Variants in TBC1D17 observed in about 807,000 individuals in gnomAD.
TBC1D17 encodes the protein TBC1 domain family member 17, also known as TBC1 domain family, member 17.
Under a neutral mutation model 78.8 loss-of-function variants are expected in TBC1D17, and 69 were observed. That is an observed-to-expected ratio of 0.88 (90% CI 0.72 to 1.07). The LOEUF (loss-of-function observed/expected upper bound fraction) is 1.07, where lower values mean the gene tolerates loss of function less well. TBC1D17 is among the 50% of genes least tolerant of loss of function. TBC1D17 has a pLI of 0.00. For missense variants in TBC1D17, 957 were observed against 861.0 expected (o/e 1.11, Z -1.39); for synonymous variants, 456 against 358.3 (o/e 1.27, Z -3.08).
intron 15 of TBC1D17, 81 bp from the exon 16 acceptor site, chr19:49,888,150 T>C (rs1240288734): frequency 1.3e-6 from 2 of 1,546,300 alleles, no homozygotes; most frequent in Non-Finnish European, 1.7e-6. Flanking sequence ...TCTTCATTGT[T>C]TCCCAGCACG....
Position 49,882,793 on chromosome 19 carries a change from G to T in TBC1D17, c.828G>T (p.Glu276Asp). 9.4e-6 allele frequency: 15 copies of T among 1,600,414 alleles called. No homozygotes were observed. The highest frequency in any genetic ancestry group is 1.7e-4 in the Middle Eastern group (1 of 5,972). ...AGCTGGGGCCTCGGCCAACCGTGGA[G>T]CGGGGCCCTCCAGTTACAGAGGAGG... is the stretch of plus-strand genomic sequence containing the variant. Reference protein sequence around the residue: ...CVELGPRPTVERGPPVTEEEW... With the variant: ...CVELGPRPTVDRGPPVTEEEW... Residue 276 changes from glutamate (E) to aspartate (D), a missense_variant, in exon 8 of 17, where the codon GAG becomes GAT. Physicochemically the swap from Glu to Asp is conservative, Grantham distance 45 (BLOSUM62 2). Transcript: ENST00000221543.
At chr19:49,884,183 G>A in intron 10 of TBC1D17, 70 bp from the exon 11 acceptor site, 3 of 1,396,232 alleles carry the variant, frequency 2.1e-6, no homozygotes, top group Non-Finnish European at 3.0e-6. Flanking sequence ...GTGGGGGCTG[G>A]CACTGGTGGC....
intron 4 of TBC1D17, 24 bp from the exon 5 acceptor site, chr19:49,881,244 C>A (rs749778352): frequency 1.9e-6 from 3 of 1,605,048 alleles, no homozygotes; most frequent in Non-Finnish European, 2.6e-6. Flanking sequence ...ACGCGCTTCC[C>A]CCAACACAGT....
intron 10 of TBC1D17, 52 bp from the exon 11 acceptor site, chr19:49,884,201 G>A: frequency 1.3e-6 from 2 of 1,539,676 alleles, no homozygotes. Context: ...GGCCAGCAGG[G>A]ATGGGCCCCC....
intron 3 of TBC1D17, 22 bp downstream of exon 3, chr19:49,878,594 C>T (rs1201040835): frequency 1.2e-6 from 2 of 1,611,908 alleles, no homozygotes; most frequent in South Asian, 1.1e-5. Context: ...CCGCTTTGCC[C>T]TTCTCCACTC....
At position 49,878,255 on chromosome 19, in the gene TBC1D17, G is replaced by T. The variant is rs1401893711; in HGVS notation, c.120+14G>T. On this transcript the variant is annotated intron_variant, in intron 2 of 16. Transcript: ENST00000221543. ...GTCGTGGAAAAGGTGCGCTGGGAGG[G>T]AGCAGGGCTCGGACCCGCTCCGAGC... 1.9e-6 allele frequency: 3 copies of T among 1,554,156 alleles called. No individual in the cohort carries two copies.
chr19:49,880,665 G>T (rs113202972), intron 4 of TBC1D17, among the ~76,000 whole-genome samples: 1 of 152,258 alleles, frequency 6.6e-6, no homozygotes, highest in African/African-American at 2.4e-5. Flanking sequence ...CACCAGGCCT[G>T]CCCCTGAGGT....
intron 10 of TBC1D17, among the ~76,000 whole-genome samples, chr19:49,883,998 G>T (rs2075037730): frequency 6.6e-6 from 1 of 152,204 alleles, no homozygotes; most frequent in Non-Finnish European, 1.5e-5. Flanking sequence ...GGTGATCTTG[G>T]CAAGTGATTT....
In TBC1D17 at chr19:49,887,853, C is replaced by T. The variant is rs1052248057; in HGVS notation, c.1659+19C>T. ...CCTCAAGGTGAGGCTCCGGCCCCGCCCCCGCCCTGTCCCCCCTGAGCTGGG... is the reference window on the plus strand; with the variant it reads ...CCTCAAGGTGAGGCTCCGGCCCCGCTCCCGCCCTGTCCCCCCTGAGCTGGG... On this transcript the variant is annotated intron_variant, in intron 15 of 16. Coordinates refer to ENST00000221543, the MANE Select transcript of TBC1D17 (RefSeq NM_024682.3). 22 of 1,586,432 alleles carry T rather than the reference C, an allele frequency of 1.4e-5. No individual in the cohort carries two copies. The highest frequency in any genetic ancestry group is 1.9e-5 in the Non-Finnish European group (22 of 1,164,434).
Position 49,887,743 on chromosome 19 carries a change from C to T in TBC1D17, c.1568C>T (p.Pro523Leu). The T allele has an allele frequency of 6.2e-7, 1 of 1,613,738 alleles. No homozygotes were observed. Among genetic ancestry groups the T allele is most frequent in the Non-Finnish European group, 8.5e-7 (1 of 1,179,922 alleles). The change falls in exon 15 of 17, where the codon CCC becomes CTC. Residue 523 changes from proline to leucine, a missense_variant. By Grantham distance (98) the Pro-to-Leu change is moderately conservative (BLOSUM62 -3). Coordinates refer to ENST00000221543, the MANE Select transcript of TBC1D17 (RefSeq NM_024682.3). The stretch of plus-strand genomic sequence containing the variant: ...GTGCTGTGGACAGGGCTCCCTGGCC[C>T]CAATCTGCACCTGCTGGTGGCCTGC... ...WEVLWTGLPG[P>L]NLHLLVACAI...
In TBC1D17 at chr19:49,878,246, G is replaced by C; in HGVS notation, c.120+5G>C. Reference sequence around the variant, plus strand: ...GTCATCCGTGTCGTGGAAAAGGTGCGCTGGGAGGGAGCAGGGCTCGGACCC... The same window carrying C: ...GTCATCCGTGTCGTGGAAAAGGTGCCCTGGGAGGGAGCAGGGCTCGGACCC... On this transcript the variant is annotated splice_donor_5th_base_variant and intron_variant, in intron 2 of 16. Transcript: ENST00000221543. 1 of 1,555,954 alleles carries C rather than the reference G, an allele frequency of 6.4e-7. No homozygotes were observed. The highest frequency in any genetic ancestry group is 8.7e-7 in the Non-Finnish European group (1 of 1,149,510).
At position 49,881,485 on chromosome 19, in the gene TBC1D17, C is replaced by G. The variant is rs984970217; in HGVS notation, c.527+10C>G. On this transcript the variant is annotated intron_variant, in intron 5 of 16. Transcript: ENST00000221543. ...ACCTGCTGTTGGCCAGGTGAGCTCT[C>G]TCCCAGTGCTGGGCCTTAAACCGGG... The G allele has an allele frequency of 3.1e-6, 5 of 1,605,516 alleles. No homozygotes were observed. The highest frequency in any genetic ancestry group is 4.2e-6 in the Non-Finnish European group (5 of 1,179,116).
chr19:49,878,099 CCCCTCGCTTGGGCCCCAG>C (rs2074974579), intron 1 of TBC1D17, 26 bp from the exon 2 acceptor site: 1 of 1,490,656 alleles, frequency 6.7e-7, no homozygotes, highest in Non-Finnish European at 9.1e-7. Context: ...CCAGGCTGGT[CCCCTCGCTTGGGCCCCAG>C]CCCTCGCTGG....
At chr19:49,887,693 C>A (rs1327688618) in intron 14 of TBC1D17, 25 bp from the exon 15 acceptor site, 2 of 1,611,470 alleles carry the variant, frequency 1.2e-6, no homozygotes, top group Admixed American at 3.3e-5. Context: ...TGACCTCCCT[C>A]CCTCCCTCTG....
chr19:49,883,717 A>T lies in TBC1D17; in HGVS notation c.1098A>T (p.Ser366=), dbSNP rs746151899. 1.9e-6 allele frequency: 3 copies of T among 1,613,830 alleles called. No individual in the cohort carries two copies. ...GCCCTGAGCAGGAGCGGAGAAACTC[A>T]CTTCTGCATGGATACCGCAGCCTCA... ...SVSPEQERRN[S]LLHGYRSLIE... is the part of the protein sequence containing the mutation. The change falls in exon 10 of 17, where the codon TCA becomes TCT. Residue 366 remains serine (S), a synonymous_variant. Coordinates refer to ENST00000221543, the MANE Select transcript of TBC1D17 (RefSeq NM_024682.3).
chr19:49,881,761 C>CAAA (rs2075015726), intron 5 of TBC1D17, among the ~76,000 whole-genome samples: 1 of 152,210 alleles, frequency 6.6e-6, no homozygotes, highest in African/African-American at 2.4e-5. Flanking sequence ...CACCTCTTTC[C>CAAA]CCACGTTCCA....
Position 49,887,789 on chromosome 19 carries a change from GGACACCCTC to G in TBC1D17, c.1615_1623del (p.Asp539_Leu541del). 6.2e-7 allele frequency: 1 copy of G among 1,612,812 alleles called. No individual in the cohort carries two copies. Among genetic ancestry groups the G allele is most frequent in the Non-Finnish European group, 8.5e-7 (1 of 1,179,688 alleles). On this transcript the variant is annotated inframe_deletion, in exon 15 of 17. Coordinates refer to ENST00000221543, the MANE Select transcript of TBC1D17 (RefSeq NM_024682.3). ...CCTGCGCCATCCTGGACATGGAGAG[GGACACCCTC>G]ATGCTGTCCGGCTTCGGCTCCAATG...
At chr19:49,878,614 C>G (rs761006033) in intron 3 of TBC1D17, 42 bp downstream of exon 3, 2 of 1,587,954 alleles carry the variant, frequency 1.3e-6, no homozygotes, top group Non-Finnish European at 1.7e-6. Context: ...CGCTTTTTTT[C>G]TAGGTCCGTG....
Position 49,888,238 on chromosome 19 carries a change from A to G in TBC1D17, c.1667A>G (p.Asn556Ser). Reference sequence around the variant, plus strand: ...ACCCACCCCCTCCCGCAGCACATCAACGAGCTGACTATGAAGCTGAGCGTG... The same window carrying G: ...ACCCACCCCCTCCCGCAGCACATCAGCGAGCTGACTATGAAGCTGAGCGTG... Reference protein sequence around the residue: ...FGSNEILKHINELTMKLSVED... With the variant: ...FGSNEILKHISELTMKLSVED... The change falls in exon 16 of 17, where the codon AAC becomes AGC. Residue 556 changes from asparagine to serine, a missense_variant. By Grantham distance (46) the Asn-to-Ser change is conservative. Coordinates refer to ENST00000221543, the MANE Select transcript of TBC1D17 (RefSeq NM_024682.3). 6.3e-7 allele frequency: 1 copy of G among 1,587,324 alleles called. No homozygotes were observed. Among genetic ancestry groups the G allele is most frequent in the East Asian group, 2.3e-5 (1 of 43,736 alleles).
Sources: gnomAD v4.1 joint callset for allele counts (sites outside exome capture counted in the v4.1 genomes callset) on GRCh38, gnomAD v4.1.1 for gene constraint, MANE v1.5 for transcripts, NCBI Gene and HGNC (gene_info 2026-07-23, HGNC 2026-07-21) for gene names.